The following PDZRN3 variants were observed in gnomAD, a reference collection of about 807,000 sequenced individuals.
PDZRN3 encodes the protein E3 ubiquitin-protein ligase PDZRN3.
A neutral mutation model predicts 85.7 loss-of-function variants in PDZRN3; 38 were observed. The observed-to-expected ratio is 0.44, with a 90% CI of 0.34 to 0.58. PDZRN3 has a LOEUF of 0.58. PDZRN3 is among the 20% of genes least tolerant of loss of function. The pLI is 0.01. For synonymous variants in PDZRN3, 759 were observed against 638.0 expected, an observed-to-expected ratio of 1.19 and a Z score of -2.86; for missense variants, 1,629 against 1,506.4, an observed-to-expected ratio of 1.08 and a Z score of -1.35.
chr3:73,453,047 T>A (rs866408900), intron 3 of PDZRN3, among the ~76,000 whole-genome samples: 6 of 151,206 alleles, frequency 4.0e-5, no homozygotes, highest in South Asian at 2.1e-4. Context: ...AGAAATGGAG[T>A]ATGGGGGCAA....
In PDZRN3 at chr3:73,624,675, T is replaced by C; in HGVS notation, c.151A>G (p.Ser51Gly). 1 of 1,526,292 alleles carries C rather than the reference T, an allele frequency of 6.6e-7. No homozygotes were observed. The highest frequency in any genetic ancestry group is 1.7e-4 in the Middle Eastern group (1 of 5,898). The allele number at this position is 1,526,292 out of a possible 1,614,324, so 94.5% of individuals were successfully genotyped here. The change falls in exon 1 of 10, where the codon AGC (serine) becomes GGC (glycine). Residue 51 changes from serine (S) to glycine (G), a missense_variant. Coordinates refer to ENST00000263666, the MANE Select transcript of PDZRN3 (RefSeq NM_015009.3). ...CGACCGCGGCAGCGCGCCGGGCAGCTGCCCTCCTGCACCACCCAGGGCAGC... is the reference window on the plus strand; with the variant it reads ...CGACCGCGGCAGCGCGCCGGGCAGCCGCCCTCCTGCACCACCCAGGGCAGC... ...CVLPWVVQEG[S>G]CPARCRGRLS...
chr3:73,614,876 G>C (rs1041360831), intron 1 of PDZRN3, among the ~76,000 whole-genome samples: 1 of 152,168 alleles, frequency 6.6e-6, no homozygotes, highest in Non-Finnish European at 1.5e-5. Context: ...GCCCTGCCTT[G>C]TAATTCAACC....
chr3:73,501,537 T>C (rs1046455313), intron 3 of PDZRN3, among the ~76,000 whole-genome samples: 3 of 152,204 alleles, frequency 2.0e-5, no homozygotes, highest in African/African-American at 7.2e-5. Flanking sequence ...AATCTAGCAA[T>C]GGCTCATTCA....
intron 3 of PDZRN3, among the ~76,000 whole-genome samples, chr3:73,589,070 CAG>C (rs1559750092): frequency 2.0e-5 from 3 of 147,294 alleles, no homozygotes; most frequent in African/African-American, 7.6e-5. Context: ...TTTTTTGAGA[CAG>C]AGTCTCGTTC....
intron 3 of PDZRN3, among the ~76,000 whole-genome samples, chr3:73,584,298 T>C (rs1225388505): frequency 6.6e-6 from 1 of 152,062 alleles, no homozygotes; most frequent in African/African-American, 2.4e-5. Context: ...AGGAAAAAAA[T>C]GATCAATAGA....
At chr3:73,574,457 T>TG (rs72092693) in intron 3 of PDZRN3, among the ~76,000 whole-genome samples, 40,038 of 120,722 alleles carry the variant, frequency 0.33, 6,429 homozygotes, top group Non-Finnish European at 0.42. Flanking sequence ...TTGGCTGGGG[T>TG]GGGGGGGGTG....
At chr3:73,462,712 G>A (rs1703133144) in intron 3 of PDZRN3, among the ~76,000 whole-genome samples, 1 of 152,154 alleles carries the variant, frequency 6.6e-6, no homozygotes, top group Non-Finnish European at 1.5e-5. Context: ...TGCATGTGGT[G>A]GAAGGGGGTT....
At chr3:73,510,422 T>C (rs552107092) in intron 3 of PDZRN3, among the ~76,000 whole-genome samples, 1 of 152,304 alleles carries the variant, frequency 6.6e-6, no homozygotes, top group East Asian at 1.9e-4. Flanking sequence ...CGCAGCACCA[T>C]TGCTTGGAAA....
At chr3:73,600,599 G>A (rs981051522) in intron 3 of PDZRN3, among the ~76,000 whole-genome samples, 6 of 152,050 alleles carry the variant, frequency 3.9e-5, no homozygotes, top group African/African-American at 1.4e-4. Flanking sequence ...GTCCAAAATA[G>A]GAATGTGACT....
At chr3:73,399,136 T>TAAAG (rs1701699217) in intron 5 of PDZRN3, among the ~76,000 whole-genome samples, 1 of 152,104 alleles carries the variant, frequency 6.6e-6, no homozygotes, top group Non-Finnish European at 1.5e-5. Flanking sequence ...AAAAAAGAAC[T>TAAAG]AAAGAACCCA....
At chr3:73,557,053 G>A (rs1047926395) in intron 3 of PDZRN3, 40 of 149,892 alleles carry the variant, frequency 2.7e-4, no homozygotes, top group African/African-American at 9.7e-4. Flanking sequence ...CATAGATGCA[G>A]GGAGGGTTTA....
rs770783542 is a variant in PDZRN3 at position 73,383,774 on chromosome 3, C to T, written c.2792G>A (p.Arg931His). 5.6e-6 allele frequency: 9 copies of T among 1,613,126 alleles called. No individual in the cohort carries two copies. The highest frequency in any genetic ancestry group is 7.6e-6 in the Non-Finnish European group (9 of 1,179,984). Residue 931 changes from arginine to histidine, a missense_variant, in exon 10 of 10, where the codon CGC becomes CAC. Arg to His is a conservative substitution (Grantham distance 29). Transcript: ENST00000263666. ...WKVKIRSDGTRYITKRPVRDR... is the reference protein window; with the variant it reads ...WKVKIRSDGTHYITKRPVRDR... ...CCGCACGGGCCTCTTGGTGATGTAG[C>T]GCGTCCCGTCGCTGCGGATCTTCAC... is the stretch of plus-strand genomic sequence containing the variant.
chr3:73,513,367 T>C (rs1575701551), intron 3 of PDZRN3, among the ~76,000 whole-genome samples: 1 of 152,112 alleles, frequency 6.6e-6, no homozygotes, highest in Admixed American at 6.5e-5. Context: ...GGCATGGCGG[T>C]GATAAGAGAC....
chr3:73,476,710 G>GT (rs1179612527), intron 3 of PDZRN3, among the ~76,000 whole-genome samples: 15 of 152,146 alleles, frequency 9.9e-5, no homozygotes, highest in African/African-American at 3.4e-4. Context: ...GCCAGTTGAC[G>GT]TATCACAAGG....
At chr3:73,388,097 G>C in intron 7 of PDZRN3, 28 bp from the exon 8 acceptor site, 4 of 1,027,028 alleles carry the variant, frequency 3.9e-6, no homozygotes, top group East Asian at 2.5e-5. Context: ...GGGGTGGGGA[G>C]AGTGGGGAGA....
chr3:73,579,062 C>CT (rs887999002), intron 3 of PDZRN3, among the ~76,000 whole-genome samples: 2 of 152,110 alleles, frequency 1.3e-5, no homozygotes, highest in African/African-American at 2.4e-5. Context: ...ATGTTGGACT[C>CT]TAATACCCAA....
intron 3 of PDZRN3, among the ~76,000 whole-genome samples, chr3:73,502,465 G>A (rs1024088642): frequency 1.3e-5 from 2 of 152,130 alleles, no homozygotes; most frequent in Non-Finnish European, 2.9e-5. Context: ...CATAAGTTAA[G>A]GCCACCAACA....
At chr3:73,615,966 G>A (rs143785071) in intron 1 of PDZRN3, among the ~76,000 whole-genome samples, 1 of 152,348 alleles carries the variant, frequency 6.6e-6, no homozygotes, top group Non-Finnish European at 1.5e-5. Flanking sequence ...AATGGGAGGT[G>A]TTTGGGTTAT....
chr3:73,514,330 G>A (rs1250654716), intron 3 of PDZRN3, among the ~76,000 whole-genome samples: 2 of 152,152 alleles, frequency 1.3e-5, no homozygotes, highest in Admixed American at 6.5e-5. Flanking sequence ...GATGAATTAC[G>A]CAAATGGACT....
Sources: allele counts gnomAD v4.1 joint callset (sites outside exome capture counted in the v4.1 genomes callset), GRCh38; gene constraint gnomAD v4.1.1; transcripts MANE v1.5; gene names NCBI Gene and HGNC (gene_info 2026-07-23, HGNC 2026-07-21).